The following PTPRZ1 variants were observed in gnomAD, a reference collection of about 807,000 sequenced individuals.
The protein encoded by PTPRZ1 is protein tyrosine phosphatase receptor type Z1.
In PTPRZ1, 82 loss-of-function variants were observed where a neutral mutation model predicts 214.1. That is an observed-to-expected ratio of 0.38 (90% confidence interval 0.32 to 0.46). The LOEUF (loss-of-function observed/expected upper bound fraction) is 0.46, where lower values mean the gene tolerates loss of function less well. PTPRZ1 is among the 20% of genes least tolerant of loss of function. The pLI is 1.00. For synonymous variants in PTPRZ1, 945 were observed against 987.9 expected, an observed-to-expected ratio of 0.96 and a Z score of 0.81; for missense variants, 2,603 against 2,748.7, an observed-to-expected ratio of 0.95 and a Z score of 1.19.
At chr7:121,968,884 T>A (rs1255297046) in intron 3 of PTPRZ1, among the ~76,000 whole-genome samples, 1 of 152,164 alleles carries the variant, frequency 6.6e-6, no homozygotes, top group African/African-American at 2.4e-5. Flanking sequence ...TGAATTTTTT[T>A]TATATTTTCT....
chr7:121,925,406 T>C (rs968460763), intron 1 of PTPRZ1, among the ~76,000 whole-genome samples: 1 of 152,230 alleles, frequency 6.6e-6, no homozygotes, highest in Non-Finnish European at 1.5e-5. Context: ...GAAACAAAAA[T>C]GTATGAATAT....
intron 15 of PTPRZ1, among the ~76,000 whole-genome samples, chr7:122,033,289 C>G (rs547939315): frequency 6.6e-6 from 1 of 151,836 alleles, no homozygotes. Flanking sequence ...GCAAAAGAAG[C>G]CTTAAAAGGT....
In PTPRZ1 at chr7:121,952,269, T is replaced by TTG. The variant is rs1554436001; in HGVS notation, c.125-15681_125-15680insGT. Among the ~76,000 whole-genome samples, 61 of 152,024 alleles carry TTG rather than the reference T, an allele frequency of 4.0e-4. 1 individual carries two copies. The South Asian group carries it at 7.1e-3, about 18-fold the overall frequency. On this transcript the variant is annotated intron_variant, in intron 2 of 29. Transcript: ENST00000393386. ...CACCGCGCCCGGTGAGTGTTTTTTT[T>TTG]TTTGTTTGTTTTTGGTTTTTTTTAG...
intron 1 of PTPRZ1, among the ~76,000 whole-genome samples, chr7:121,927,324 G>A (rs1234512971): frequency 6.6e-6 from 1 of 152,206 alleles, no homozygotes; most frequent in Non-Finnish European, 1.5e-5. Flanking sequence ...ATTAATGTTA[G>A]TACAGTCAGG....
At chr7:122,023,318 G>A (rs1399509931) in intron 13 of PTPRZ1, among the ~76,000 whole-genome samples, 4 of 150,712 alleles carry the variant, frequency 2.7e-5, no homozygotes, top group South Asian at 2.1e-4. Context: ...GTTCTGCCCG[G>A]CATTTGCTAT....
chr7:121,876,660 C>T (rs1266215459), intron 1 of PTPRZ1, among the ~76,000 whole-genome samples: 4 of 152,116 alleles, frequency 2.6e-5, no homozygotes, highest in Non-Finnish European at 5.9e-5. Flanking sequence ...AATAACTAGC[C>T]TCTATTCAGA....
At chr7:122,013,940 T>A in intron 12 of PTPRZ1, 51 bp downstream of exon 12, 1 of 1,398,042 alleles carries the variant, frequency 7.2e-7, no homozygotes, top group Non-Finnish European at 9.5e-7. Flanking sequence ...TTGCTTGCTC[T>A]AAAAGTAAAA....
intron 2 of PTPRZ1, among the ~76,000 whole-genome samples, chr7:121,964,492 G>C (rs992168985): frequency 6.6e-6 from 1 of 152,060 alleles, no homozygotes; most frequent in Non-Finnish European, 1.5e-5. Flanking sequence ...TGATTCAATT[G>C]TCTCCACGTG....
At chr7:122,036,495 G>A (rs147277279) in intron 17 of PTPRZ1, 105 bp from the exon 18 acceptor site, 23 of 768,202 alleles carry the variant, frequency 3.0e-5, no homozygotes, top group Non-Finnish European at 4.2e-5. Flanking sequence ...ATGATTGCTT[G>A]TGTTGATTTT....
chr7:121,994,294 T>TTTC (rs1363044371), intron 8 of PTPRZ1, among the ~76,000 whole-genome samples: 1 of 121,178 alleles, frequency 8.3e-6, no homozygotes, highest in East Asian at 2.3e-4. Flanking sequence ...CATTTCTTTT[T>TTTC]TTTTTTTTTT....
At chr7:121,921,067 C>T (rs1241304720) in intron 1 of PTPRZ1, among the ~76,000 whole-genome samples, 1 of 151,894 alleles carries the variant, frequency 6.6e-6, no homozygotes, top group African/African-American at 2.4e-5. Context: ...GTATTTTTGC[C>T]TACCTGTATT....
chr7:122,039,378 C>T, intron 19 of PTPRZ1, 76 bp from the exon 20 acceptor site: 1 of 1,504,992 alleles, frequency 6.6e-7, no homozygotes, highest in African/African-American at 1.4e-5. Flanking sequence ...CATCTCAGAC[C>T]TTTACTGATT....
At chr7:121,888,096 T>C (rs1273715185) in intron 1 of PTPRZ1, among the ~76,000 whole-genome samples, 1 of 152,130 alleles carries the variant, frequency 6.6e-6, no homozygotes, top group Non-Finnish European at 1.5e-5. Context: ...AAAAGATTTG[T>C]AGAGGAAAAC....
chr7:121,913,695 A>T (rs533191130), intron 1 of PTPRZ1, among the ~76,000 whole-genome samples: 104 of 152,300 alleles, frequency 6.8e-4, no homozygotes, highest in African/African-American at 2.3e-3. Context: ...GAAAAGATTT[A>T]AAAAATTATC....
At chr7:121,909,898 A>G (rs538270055) in intron 1 of PTPRZ1, among the ~76,000 whole-genome samples, 1 of 152,324 alleles carries the variant, frequency 6.6e-6, no homozygotes, top group South Asian at 2.1e-4. Flanking sequence ...GAAGCAGGGT[A>G]CAGCTGCTTT....
intron 1 of PTPRZ1, among the ~76,000 whole-genome samples, chr7:121,911,741 T>A (rs1795283228): frequency 6.7e-6 from 1 of 150,166 alleles, no homozygotes; most frequent in Non-Finnish European, 1.5e-5. Context: ...CTATCACATA[T>A]CATATAAGAA....
intron 15 of PTPRZ1, among the ~76,000 whole-genome samples, chr7:122,033,311 A>T (rs1799437530): frequency 6.6e-6 from 1 of 151,838 alleles, no homozygotes; most frequent in South Asian, 2.1e-4. Flanking sequence ...ATGTGGAGGG[A>T]GATTGGGCCA....
At chr7:121,932,982 G>T (rs1361503105) in intron 2 of PTPRZ1, among the ~76,000 whole-genome samples, 3 of 152,082 alleles carry the variant, frequency 2.0e-5, no homozygotes, top group Non-Finnish European at 4.4e-5. Context: ...AGCAAGGCTT[G>T]CTTGTCACTT....
intron 11 of PTPRZ1, among the ~76,000 whole-genome samples, chr7:122,007,143 A>G (rs1379842354): frequency 2.0e-5 from 3 of 152,148 alleles, no homozygotes; most frequent in African/African-American, 4.8e-5. Flanking sequence ...CTGAGAAAGC[A>G]GAGTAGAATT....
Sources: gnomAD v4.1 joint callset for allele counts (sites outside exome capture counted in the v4.1 genomes callset) on GRCh38, gnomAD v4.1.1 for gene constraint, MANE v1.5 for transcripts, NCBI Gene and HGNC (gene_info 2026-07-23, HGNC 2026-07-21) for gene names.